The following ARL15 variants were observed in gnomAD, a reference collection of about 807,000 sequenced individuals.
ARL15 encodes the protein ARF like GTPase 15, also known as ADP-ribosylation factor-like protein 15.
A neutral mutation model predicts 25.2 loss-of-function variants in ARL15; 19 were observed. The observed-to-expected ratio is 0.75, with a 90% CI of 0.53 to 1.10. The LOEUF is 1.10. Among genes scored for constraint, ARL15 ranks in the 50% least tolerant of loss-of-function variants. ARL15 has a pLI of 0.00. For missense variants in ARL15, 220 were observed against 246.0 expected, an observed-to-expected ratio of 0.89 and a Z score of 0.71; for synonymous variants, 94 against 86.8, an observed-to-expected ratio of 1.08 and a Z score of -0.46.
At chr5:53,979,071 T>C (rs1372563680) in intron 4 of ARL15, among the ~76,000 whole-genome samples, 3 of 152,198 alleles carry the variant, frequency 2.0e-5, no homozygotes, top group Non-Finnish European at 4.4e-5. Flanking sequence ...TGGGTCAGGT[T>C]ACTCCTGAGC....
chr5:54,125,585 C>T (rs145745915), intron 3 of ARL15, among the ~76,000 whole-genome samples: 1 of 152,292 alleles, frequency 6.6e-6, no homozygotes, highest in East Asian at 1.9e-4. Context: ...TCAGCATGTG[C>T]GTTGCTTCCA....
rs549569341 is a variant in ARL15, at chr5:53,950,797, C to T, written c.463-64084G>A. 2.0e-5 allele frequency among the ~76,000 whole-genome samples: 3 copies of T among 152,290 alleles called. No individual in the cohort carries two copies. In the South Asian group the frequency reaches 6.2e-4, roughly 32 times the overall value. ...ATTTTATTAAACATAATGTTCTAAG[C>T]ATTATGAGTGCTCTAAGGTATTTCT... On this transcript the variant is annotated intron_variant, in intron 4 of 4. Transcript: ENST00000504924.
intron 4 of ARL15, among the ~76,000 whole-genome samples, chr5:53,902,093 T>G (rs1041346933): frequency 2.6e-5 from 4 of 152,236 alleles, no homozygotes; most frequent in Admixed American, 2.6e-4. Context: ...AGCTGACAAA[T>G]GAACAATTCC....
chr5:54,094,937 T>C (rs1017922930), intron 4 of ARL15, among the ~76,000 whole-genome samples: 1 of 152,216 alleles, frequency 6.6e-6, no homozygotes, highest in African/African-American at 2.4e-5. Flanking sequence ...GCAGCCTTCT[T>C]TGAATATCAA....
At chr5:54,255,660 T>C (rs573281403) in intron 1 of ARL15, among the ~76,000 whole-genome samples, 6 of 152,184 alleles carry the variant, frequency 3.9e-5, no homozygotes, top group Admixed American at 3.9e-4. Flanking sequence ...ATACCACATA[T>C]GGAGAATTCC....
At chr5:53,910,621 A>G (rs1745416633) in intron 4 of ARL15, among the ~76,000 whole-genome samples, 1 of 17,064 alleles carries the variant, frequency 5.9e-5, no homozygotes, top group Non-Finnish European at 4.3e-4. Context: ...CTTAAAGTAT[A>G]ATAAAAAAAA....
intron 4 of ARL15, among the ~76,000 whole-genome samples, chr5:54,017,656 A>AC (rs1749467978): frequency 6.6e-6 from 1 of 151,462 alleles, no homozygotes; most frequent in Non-Finnish European, 1.5e-5. Flanking sequence ...CCCACAACAA[A>AC]CCCTCCCAAA....
chr5:54,135,412 C>T (rs1753572605), intron 3 of ARL15, among the ~76,000 whole-genome samples: 1 of 152,126 alleles, frequency 6.6e-6, no homozygotes, highest in South Asian at 2.1e-4. Flanking sequence ...TCGTGATAGA[C>T]CTGGAGACCA....
At chr5:54,160,915 T>G (rs1754383937) in intron 2 of ARL15, among the ~76,000 whole-genome samples, 1 of 152,166 alleles carries the variant, frequency 6.6e-6, no homozygotes, top group African/African-American at 2.4e-5. Context: ...CATTTTTAAT[T>G]GGCTTTATAT....
At chr5:54,073,996 AT>A (rs1751503077) in intron 4 of ARL15, among the ~76,000 whole-genome samples, 1 of 152,172 alleles carries the variant, frequency 6.6e-6, no homozygotes, top group Admixed American at 6.5e-5. Flanking sequence ...TTCCAGTCTC[AT>A]TTGTGCTGGC....
chr5:54,201,200 C>G (rs146389536), intron 1 of ARL15, among the ~76,000 whole-genome samples: 1 of 152,038 alleles, frequency 6.6e-6, no homozygotes, highest in Non-Finnish European at 1.5e-5. Context: ...CTTTTAGTTT[C>G]TTTTCCCAGG....
chr5:53,901,862 G>T (rs1029242947), intron 4 of ARL15, among the ~76,000 whole-genome samples: 1 of 152,160 alleles, frequency 6.6e-6, no homozygotes, highest in African/African-American at 2.4e-5. Context: ...AGCTTAGACT[G>T]GGATGGCTAG....
At chr5:53,951,710 T>G (rs537778952) in intron 4 of ARL15, 4 of 343,566 alleles carry the variant, frequency 1.2e-5, no homozygotes, top group Non-Finnish European at 1.7e-5. Flanking sequence ...GTAAATATAT[T>G]AACTAGATAA....
Position 54,051,445 on chromosome 5 carries a change from T to C in ARL15, c.462+61757A>G, listed in dbSNP as rs564786333. 1.8e-4 allele frequency among the ~76,000 whole-genome samples: 28 copies of C among 152,288 alleles called. No individual in the cohort carries two copies. In the South Asian group the frequency reaches 4.8e-3, roughly 26 times the overall value. ...ATAGTTTAACATACTATTTGATACA[T>C]ACAAAAGAATACATGTAACAAATAT... On this transcript the variant is annotated intron_variant, in intron 4 of 4. Transcript: ENST00000504924.
intron 1 of ARL15, among the ~76,000 whole-genome samples, chr5:54,296,713 G>A (rs1758474594): frequency 6.6e-6 from 1 of 152,242 alleles, no homozygotes; most frequent in African/African-American, 2.4e-5. Flanking sequence ...AGCAGGGGCT[G>A]GATTTCAGCC....
At chr5:54,034,345 A>G (rs929413392) in intron 4 of ARL15, among the ~76,000 whole-genome samples, 3 of 152,228 alleles carry the variant, frequency 2.0e-5, no homozygotes, top group African/African-American at 7.2e-5. Context: ...ACTTACAAAA[A>G]TAATACCCAT....
In ARL15 at chr5:54,185,897, A is replaced by G. The variant is rs115461420; in HGVS notation, c.49-13969T>C. 1.2e-3 allele frequency among the ~76,000 whole-genome samples: 181 copies of G among 152,326 alleles called. 1 individual carries two copies. Among genetic ancestry groups the G allele is most frequent in the Non-Finnish European group, 1.7e-3 (114 of 68,032 alleles). ...CAGGGTTTAGGCTTATTTTAACACC[A>G]ATTTGGTCAAAGATCTGATATGATA... On this transcript the variant is annotated intron_variant, in intron 1 of 4. Transcript: ENST00000504924.
At chr5:54,018,844 T>C (rs1458706430) in intron 4 of ARL15, among the ~76,000 whole-genome samples, 1 of 152,142 alleles carries the variant, frequency 6.6e-6, no homozygotes, top group Non-Finnish European at 1.5e-5. Context: ...TAAGAAAGTT[T>C]CTCCCTTTTC....
At chr5:54,108,014 T>C (rs1473090438) in intron 4 of ARL15, among the ~76,000 whole-genome samples, 2 of 152,100 alleles carry the variant, frequency 1.3e-5, no homozygotes, top group Non-Finnish European at 2.9e-5. Flanking sequence ...ATTAATTTTA[T>C]CAAAGAATGC....
Sources: gnomAD v4.1 joint callset for allele counts (sites outside exome capture counted in the v4.1 genomes callset) on GRCh38, gnomAD v4.1.1 for gene constraint, MANE v1.5 for transcripts, NCBI Gene and HGNC (gene_info 2026-07-23, HGNC 2026-07-21) for gene names.